SLC12A9: variants seen among roughly 807,000 people sequenced by gnomAD.
SLC12A9 encodes the protein solute carrier family 12 member 9.
Under a neutral mutation model 66.0 loss-of-function variants are expected in SLC12A9, and 55 were observed. That is an observed-to-expected ratio of 0.83 (90% CI 0.67 to 1.04). The LOEUF (loss-of-function observed/expected upper bound fraction) is 1.04. SLC12A9 is among the 50% of genes least tolerant of loss of function. The probability of loss-of-function intolerance (pLI) is 0.00; values close to 1 mark genes in which losing one functional copy is unlikely to be tolerated. For synonymous variants in SLC12A9, 577 were observed against 569.0 expected (o/e 1.01, Z -0.20); for missense variants, 1,061 against 1,241.9 (o/e 0.85, Z 2.19).
chr7:100,861,309 G>C lies in SLC12A9; in HGVS notation c.1343+47G>C, dbSNP rs761935478. The C allele has an allele frequency of 6.2e-7, 1 of 1,613,352 alleles. No individual in the cohort carries two copies. Among genetic ancestry groups the C allele is most frequent in the Admixed American group, 1.7e-5 (1 of 60,012 alleles). ...CCCCAGAGAGAAGAAGGGAGGACTC[G>C]GGCTCAGGCGTGGGGCTGGGGACTG... On this transcript the variant is annotated intron_variant, in intron 10 of 13. Transcript: ENST00000354161. This position sits in a 1 kb window ranked among gnomAD's most constrained non-coding sequence, Gnocchi z 5.3.
upstream of SLC12A9, among the ~76,000 whole-genome samples, chr7:100,849,577 A>G (rs553438282): frequency 8.1e-4 from 122 of 150,932 alleles, no homozygotes; most frequent in African/African-American, 2.9e-3. Flanking sequence ...CTAGCCAGGC[A>G]TGGTGGCAGA....
chr7:100,835,794 C>G (rs1447022827), intron 1 of SLC12A9, among the ~76,000 whole-genome samples: 1 of 152,232 alleles, frequency 6.6e-6, no homozygotes. Context: ...GTTGGAATAG[C>G]AAGAGGCTGA....
chr7:100,850,615 A>C (rs973086868), upstream of SLC12A9, among the ~76,000 whole-genome samples: 2 of 150,486 alleles, frequency 1.3e-5, no homozygotes, highest in African/African-American at 4.9e-5. Context: ...ATCATAGCTC[A>C]CTCAACCTCC....
chr7:100,851,647 GC>G (rs1391207144), upstream of SLC12A9, among the ~76,000 whole-genome samples: 8 of 3,634 alleles, frequency 2.2e-3, no homozygotes, highest in Non-Finnish European at 0.033. Flanking sequence ...TTAAAAATTA[GC>G]CAGGCGTGGT....
chr7:100,838,773 A>G (rs552856760), intron 1 of SLC12A9, among the ~76,000 whole-genome samples: 1 of 152,302 alleles, frequency 6.6e-6, no homozygotes, highest in East Asian at 1.9e-4. Flanking sequence ...GTAAAAACTA[A>G]AAGGCAGAAA....
chr7:100,859,931 T>C lies in SLC12A9; in HGVS notation c.1024T>C (p.Trp342Arg). ...TGGGTTCTTCCGCGCCATCAGCCTGTGGCCCCCACTGGTGTTGATCGGAAT... is the reference window on the plus strand; with the variant it reads ...TGGGTTCTTCCGCGCCATCAGCCTGCGGCCCCCACTGGTGTTGATCGGAAT... ...DYGFFRAISL[W>R]PPLVLIGIYA... is the part of the protein sequence containing the mutation. Residue 342 changes from tryptophan (W) to arginine (R), a missense_variant, in exon 8 of 14, where the codon TGG becomes CGG. Physicochemically the swap from Trp to Arg is moderately radical, Grantham distance 101. Coordinates refer to ENST00000354161, the MANE Select transcript of SLC12A9 (RefSeq NM_020246.4). 1 of 1,610,252 alleles carries C rather than the reference T, an allele frequency of 6.2e-7. No individual in the cohort carries two copies. Among genetic ancestry groups the C allele is most frequent in the Non-Finnish European group, 8.5e-7 (1 of 1,176,698 alleles).
rs1479027356 is a variant in SLC12A9, at chr7:100,862,825, T to A, written c.1856T>A (p.Leu619His). ...CAGCATCTGCTGCGAATCTCCGGCC[T>A]CGGTGAGCTGCTTCTCCCTGGATGC... ...GAQHLLRISG[L>H]GGMKPNTLVL... The change falls in exon 13 of 14, where the codon CTC (leucine) becomes CAC (histidine). Residue 619 changes from leucine to histidine, a missense_variant and splice_region_variant. Physicochemically the swap from Leu to His is moderately conservative, Grantham distance 99. Coordinates refer to ENST00000354161, the MANE Select transcript of SLC12A9 (RefSeq NM_020246.4). 1.2e-6 allele frequency: 2 copies of A among 1,613,922 alleles called. No individual in the cohort carries two copies. The highest frequency in any genetic ancestry group is 1.7e-6 in the Non-Finnish European group (2 of 1,180,018).
chr7:100,827,471 C>T (rs1403944427), intron 1 of SLC12A9: 1 of 149,962 alleles, frequency 6.7e-6, no homozygotes, highest in South Asian at 1.9e-4. Flanking sequence ...AGGGAGACTG[C>T]GGCGCGGAGC....
chr7:100,840,803 T>C (rs923839540), intron 1 of SLC12A9, among the ~76,000 whole-genome samples: 1 of 151,870 alleles, frequency 6.6e-6, no homozygotes. Flanking sequence ...CCAAGGTAAA[T>C]TTAAAACCTA....
chr7:100,835,989 A>T (rs1360995848), intron 1 of SLC12A9, among the ~76,000 whole-genome samples: 1 of 152,084 alleles, frequency 6.6e-6, no homozygotes, highest in Non-Finnish European at 1.5e-5. Context: ...GGGTAGTGGG[A>T]GGGTTGGGGA....
At chr7:100,865,272 A>G in intron 13 of SLC12A9, 1 of 1,535,528 alleles carries the variant, frequency 6.5e-7, no homozygotes, top group Non-Finnish European at 8.7e-7. Context: ...CCATTTTTTC[A>G]TCTTCCCATT....
upstream of SLC12A9, chr7:100,852,670 G>A (rs1814137019): frequency 6.6e-6 from 1 of 152,396 alleles, no homozygotes; most frequent in Admixed American, 6.5e-5. Context: ...CATGGGGCGG[G>A]GCCGAGGACG....
At chr7:100,841,552 A>T (rs1342351563) in intron 1 of SLC12A9, among the ~76,000 whole-genome samples, 1 of 152,192 alleles carries the variant, frequency 6.6e-6, no homozygotes, top group African/African-American at 2.4e-5. Flanking sequence ...CATTAAAGTA[A>T]AAGCATAACA....
In SLC12A9 at chr7:100,854,145, C is replaced by G. The variant is rs755486568; in HGVS notation, c.-42-11C>G. ...GGGGGAGCTTTTGATGCAACATAATCTCCTTTGCAGGTCACCTAACCCATT... is the reference window on the plus strand; with the variant it reads ...GGGGGAGCTTTTGATGCAACATAATGTCCTTTGCAGGTCACCTAACCCATT... On this transcript the variant is annotated splice_polypyrimidine_tract_variant and intron_variant, in intron 1 of 13. Coordinates refer to ENST00000354161, the MANE Select transcript of SLC12A9 (RefSeq NM_020246.4). The G allele has an allele frequency of 3.2e-5, 47 of 1,482,814 alleles. No homozygotes were observed. The highest frequency in any genetic ancestry group is 2.6e-5 in the Admixed American group (1 of 39,108). The allele number at this position is 1,482,814 out of a possible 1,614,324, so 91.9% of individuals were successfully genotyped here.
At position 100,857,071 on chromosome 7, in the gene SLC12A9, G is replaced by A. The variant is rs1397670111; in HGVS notation, c.652G>A (p.Asp218Asn). The A allele has an allele frequency of 7.4e-6, 12 of 1,614,236 alleles. No individual in the cohort carries two copies. In the East Asian group the frequency reaches 2.0e-4, roughly 27 times the overall value. ...LISFVAVGPR[D>N]IRLTPRPGPN... The stretch of plus-strand genomic sequence containing the variant: ...CAGTTTTGTGGCTGTGGGGCCGAGG[G>A]ACATCCGCTTGACTCCTAGGCCTGG... Residue 218 changes from aspartate (D) to asparagine (N), a missense_variant, in exon 5 of 14, where the codon GAC (aspartate) becomes AAC (asparagine). Physicochemically the swap from Asp to Asn is conservative, Grantham distance 23 (BLOSUM62 1). Transcript: ENST00000354161.
At chr7:100,829,008 G>C (rs1478713821) in intron 1 of SLC12A9, among the ~76,000 whole-genome samples, 3 of 148,628 alleles carry the variant, frequency 2.0e-5, no homozygotes, top group Non-Finnish European at 4.5e-5. Context: ...TTTTTTTTGA[G>C]ACAGAGTCTC....
At chr7:100,855,197 A>C (rs186131060) in intron 3 of SLC12A9, among the ~76,000 whole-genome samples, 1 of 152,242 alleles carries the variant, frequency 6.6e-6, no homozygotes. Context: ...ATCATAGCTC[A>C]CTGTGATCTC....
At chr7:100,851,895 T>C (rs774773800), upstream of SLC12A9, among the ~76,000 whole-genome samples, 2 of 151,838 alleles carry the variant, frequency 1.3e-5, no homozygotes, top group Non-Finnish European at 2.9e-5. Context: ...GCTAATTTAA[T>C]GCAGTGCTAT....
chr7:100,845,382 C>T (rs569208550), intron 1 of SLC12A9, among the ~76,000 whole-genome samples: 6 of 151,938 alleles, frequency 3.9e-5, no homozygotes, highest in Middle Eastern at 3.4e-3. Flanking sequence ...CGGAGTCTTG[C>T]TCTGTCGCCC....
Sources: gnomAD v4.1 joint callset for allele counts (sites outside exome capture counted in the v4.1 genomes callset) on GRCh38, gnomAD v4.1.1 for gene constraint, Gnocchi (gnomAD v3.1) non-coding constraint, MANE v1.5 for transcripts, NCBI Gene and HGNC (gene_info 2026-07-23, HGNC 2026-07-21) for gene names.